INPP5A: variants seen among roughly 807,000 people sequenced by gnomAD.
INPP5A encodes the protein inositol polyphosphate-5-phosphatase A.
A neutral mutation model predicts 65.2 loss-of-function variants in INPP5A; 14 were observed. The observed-to-expected ratio is 0.21, with a 90% CI of 0.14 to 0.34. INPP5A has a LOEUF of 0.34. INPP5A is among the 10% of genes least tolerant of loss of function. INPP5A has a pLI of 1.00. For missense variants in INPP5A, 431 were observed against 545.6 expected (o/e 0.79, Z 2.09); for synonymous variants, 207 against 208.3 (o/e 0.99, Z 0.05).
Position 132,650,550 on chromosome 10 carries a change from C to G in INPP5A, c.306+45C>G, listed in dbSNP as rs368308960. 9 of 1,401,710 alleles carry G rather than the reference C, an allele frequency of 6.4e-6. No individual in the cohort carries two copies. Among genetic ancestry groups the G allele is most frequent in the Non-Finnish European group, 9.1e-6 (9 of 990,488 alleles). The allele number at this position is 1,401,710 out of a possible 1,614,324, so 86.8% of individuals were successfully genotyped here. A position where few individuals can be genotyped will look rare whatever the true frequency, so the allele number is the denominator to read the frequency against. The stretch of plus-strand genomic sequence containing the variant: ...TGGTGCAGGGGTCAGACAGGCTGGC[C>G]TTGGCAGAAGCCAGCCCTTCTCCTG... On this transcript the variant is annotated intron_variant, in intron 4 of 15. Transcript: ENST00000368594. This position sits in a 1 kb window ranked among gnomAD's most constrained non-coding sequence, Gnocchi z 5.5.
intron 2 of INPP5A, among the ~76,000 whole-genome samples, chr10:132,641,504 C>T (rs2072427088): frequency 6.6e-6 from 1 of 152,204 alleles, no homozygotes; most frequent in Non-Finnish European, 1.5e-5. Context: ...GACAGTTTGC[C>T]TGTGCCTTTG....
At chr10:132,642,471 C>T (rs546968681) in intron 2 of INPP5A, among the ~76,000 whole-genome samples, 11 of 152,214 alleles carry the variant, frequency 7.2e-5, no homozygotes, top group Non-Finnish European at 1.3e-4. Context: ...TTACTCCTGC[C>T]GTGACAGCCC....
At chr10:132,681,271 C>G (rs2073040476) in intron 4 of INPP5A, among the ~76,000 whole-genome samples, 1 of 152,212 alleles carries the variant, frequency 6.6e-6, no homozygotes, top group African/African-American at 2.4e-5. Flanking sequence ...CCCGAGCCAG[C>G]AGTGGCAACC....
chr10:132,777,667 C>T lies in INPP5A; in HGVS notation c.978-4C>T, dbSNP rs201238641. 1.1e-4 allele frequency: 173 copies of T among 1,611,754 alleles called. No homozygotes were observed. The highest frequency in any genetic ancestry group is 3.3e-5 in the South Asian group (3 of 91,026). ...GCTGACCCTCTGCCTTCATGTCTCCCCAGCTACCCGTACAGTGAGGACGCC... is the reference window on the plus strand; with the variant it reads ...GCTGACCCTCTGCCTTCATGTCTCCTCAGCTACCCGTACAGTGAGGACGCC... On this transcript the variant is annotated splice_polypyrimidine_tract_variant and splice_region_variant and intron_variant, in intron 12 of 15. Transcript: ENST00000368594.
In INPP5A at chr10:132,704,525, G is replaced by A. The variant is rs774319957; in HGVS notation, c.475-3788G>A. 9.9e-5 allele frequency among the ~76,000 whole-genome samples: 15 copies of A among 152,216 alleles called. No individual in the cohort carries two copies. Among genetic ancestry groups the A allele is most frequent in the Non-Finnish European group, 2.1e-4 (14 of 68,036 alleles). ...GCAGAGCCACCCCTCGCAGCCCGCCGGCAACATGGGCTCTGTCCTCCCCTC... is the reference window on the plus strand; with the variant it reads ...GCAGAGCCACCCCTCGCAGCCCGCCAGCAACATGGGCTCTGTCCTCCCCTC... On this transcript the variant is annotated intron_variant, in intron 6 of 15. Transcript: ENST00000368594. The surrounding 1 kb of genome is among the most constrained non-coding windows in gnomAD (Gnocchi z 4.5).
chr10:132,726,749 G>T, intron 8 of INPP5A, 72 bp from the exon 9 acceptor site: 1 of 1,032,536 alleles, frequency 9.7e-7, no homozygotes, highest in Admixed American at 2.0e-5. Context: ...GAGCGTGGAG[G>T]AGCACCGGGG....
intron 11 of INPP5A, among the ~76,000 whole-genome samples, chr10:132,750,843 T>C (rs1846462824): frequency 6.6e-6 from 1 of 152,132 alleles, no homozygotes; most frequent in African/African-American, 2.4e-5. Flanking sequence ...CAGGAAGCTG[T>C]CTGGGGAGTG....
chr10:132,672,961 A>T (rs1157027109), intron 4 of INPP5A, among the ~76,000 whole-genome samples: 2 of 152,276 alleles, frequency 1.3e-5, no homozygotes, highest in African/African-American at 4.8e-5. Context: ...GGTCACTTGT[A>T]GTCTTGCCTG....
rs1029897842 is a variant in INPP5A, at chr10:132,741,318, C to T, written c.733-8199C>T. ...GCATGAGATGGGCTGGCCAGATCTC[C>T]GCAGCCTAACAGTGGGCAGCTCCGT... On this transcript the variant is annotated intron_variant, in intron 9 of 15. Coordinates refer to ENST00000368594, the MANE Select transcript of INPP5A (RefSeq NM_005539.5). The surrounding 1 kb of genome is among the most constrained non-coding windows in gnomAD (Gnocchi z 4.4). 7.2e-5 allele frequency among the ~76,000 whole-genome samples: 11 copies of T among 152,214 alleles called. No individual in the cohort carries two copies. The highest frequency in any genetic ancestry group is 1.5e-4 in the Non-Finnish European group (10 of 68,032).
chr10:132,704,492 G>A lies in INPP5A; in HGVS notation c.475-3821G>A, dbSNP rs1845500484. On this transcript the variant is annotated intron_variant, in intron 6 of 15. Coordinates refer to ENST00000368594, the MANE Select transcript of INPP5A (RefSeq NM_005539.5). The surrounding 1 kb of genome is among the most constrained non-coding windows in gnomAD (Gnocchi z 4.5). Reference sequence around the variant, plus strand: ...TGTTGGACGCCAGCCCGCGGCGGCTGCTGGTGCGCAGAGCCACCCCTCGCA... The same window carrying A: ...TGTTGGACGCCAGCCCGCGGCGGCTACTGGTGCGCAGAGCCACCCCTCGCA... Among the ~76,000 whole-genome samples, 1 of 152,242 alleles carries A rather than the reference G, an allele frequency of 6.6e-6. No homozygotes were observed. Among genetic ancestry groups the A allele is most frequent in the South Asian group, 2.1e-4 (1 of 4,834 alleles).
chr10:132,724,610 A>G (rs756574387), intron 8 of INPP5A, among the ~76,000 whole-genome samples: 3 of 152,070 alleles, frequency 2.0e-5, no homozygotes, highest in Non-Finnish European at 2.9e-5. Flanking sequence ...CAGCAGGAGC[A>G]CACACCATAT....
rs117687817 is a variant in INPP5A, at chr10:132,729,725, G to C, written c.732+2820G>C. Reference sequence around the variant, plus strand: ...TGGGGAGGGCACTGGCCTGAAGCCAGAGTTCGAAGATTCCCATCACCAATA... The same window carrying C: ...TGGGGAGGGCACTGGCCTGAAGCCACAGTTCGAAGATTCCCATCACCAATA... On this transcript the variant is annotated intron_variant, in intron 9 of 15. Transcript: ENST00000368594. Among the ~76,000 whole-genome samples, 639 of 152,352 alleles carry C rather than the reference G, an allele frequency of 4.2e-3. 5 individuals carry two copies. The highest frequency in any genetic ancestry group is 0.01 in the Middle Eastern group (3 of 294).
chr10:132,699,922 G>A (rs1219361772), intron 6 of INPP5A, among the ~76,000 whole-genome samples: 21 of 152,210 alleles, frequency 1.4e-4, no homozygotes, highest in Admixed American at 1.4e-3. Context: ...CCTCTGCTAT[G>A]ACTTTGCCAC....
At chr10:132,647,681 C>G (rs1446819524) in intron 3 of INPP5A, among the ~76,000 whole-genome samples, 2 of 152,086 alleles carry the variant, frequency 1.3e-5, no homozygotes, top group Admixed American at 1.3e-4. Context: ...GAGGCCCCAC[C>G]CAGACCCTCG....
At position 132,545,391 on chromosome 10, in the gene INPP5A, G is replaced by A. The variant is rs143871265; in HGVS notation, c.75+7220G>A. Among the ~76,000 whole-genome samples the A allele has an allele frequency of 3.5e-3, 533 of 152,270 alleles. 1 individual carries two copies. The highest frequency in any genetic ancestry group is 4.6e-3 in the African/African-American group (191 of 41,554). On this transcript the variant is annotated intron_variant, in intron 1 of 15. Coordinates refer to ENST00000368594, the MANE Select transcript of INPP5A (RefSeq NM_005539.5). This position sits in a 1 kb window ranked among gnomAD's most constrained non-coding sequence, Gnocchi z 4.6. ...GAGGGGGCTGCCTACGGCAGGAGAC[G>A]GCAGGTCTCTCTGAGCTGTGGGGCT...
rs183020929 is a variant in INPP5A at position 132,706,518 on chromosome 10, C to T, written c.475-1795C>T. The stretch of plus-strand genomic sequence containing the variant: ...TTCAGAGGATTCACAGTTCGTGTGC[C>T]GGGGTGCTTCTTACAGCAGTGGTGG... On this transcript the variant is annotated intron_variant, in intron 6 of 15. Transcript: ENST00000368594. The surrounding 1 kb of genome is among the most constrained non-coding windows in gnomAD (Gnocchi z 4.7). Among the ~76,000 whole-genome samples, 46 of 152,306 alleles carry T rather than the reference C, an allele frequency of 3.0e-4. No homozygotes were observed. The highest frequency in any genetic ancestry group is 1.6e-4 in the Non-Finnish European group (11 of 68,030).
Position 132,603,908 on chromosome 10 carries a change from C to A in INPP5A, c.76-4007C>A, listed in dbSNP as rs1460508349. On this transcript the variant is annotated intron_variant, in intron 1 of 15. Coordinates refer to ENST00000368594, the MANE Select transcript of INPP5A (RefSeq NM_005539.5). The surrounding 1 kb of genome is among the most constrained non-coding windows in gnomAD (Gnocchi z 4.2). The stretch of plus-strand genomic sequence containing the variant: ...GCATCACCTGAGTTCTGCCCTGCGC[C>A]GTCAGGGTCCCCTCTCCGTCCAGCC... Among the ~76,000 whole-genome samples, 1 of 151,604 alleles carries A rather than the reference C, an allele frequency of 6.6e-6. No homozygotes were observed. Among genetic ancestry groups the A allele is most frequent in the African/African-American group, 2.4e-5 (1 of 41,258 alleles).
intron 5 of INPP5A, among the ~76,000 whole-genome samples, chr10:132,692,832 G>A (rs750419729): frequency 4.6e-5 from 7 of 152,188 alleles, no homozygotes; most frequent in Non-Finnish European, 7.3e-5. Context: ...ATATAGCCCA[G>A]AAACTCTGGT....
intron 4 of INPP5A, among the ~76,000 whole-genome samples, chr10:132,653,552 A>G (rs1027822150): frequency 1.3e-5 from 2 of 152,214 alleles, no homozygotes; most frequent in African/African-American, 4.8e-5. Flanking sequence ...GCCAGGGCAC[A>G]TGAGTCTAGT....
Sources: allele counts gnomAD v4.1 joint callset (sites outside exome capture counted in the v4.1 genomes callset), GRCh38; gene constraint gnomAD v4.1.1; non-coding constraint Gnocchi (gnomAD v3.1); transcripts MANE v1.5; gene names NCBI Gene and HGNC (gene_info 2026-07-23, HGNC 2026-07-21).